The following DIRAS2 variants were observed in gnomAD, a reference collection of about 807,000 sequenced individuals.
DIRAS2 encodes the protein GTP-binding protein Di-Ras2.
Under a neutral mutation model 13.9 loss-of-function variants are expected in DIRAS2, and 5 were observed. That is an observed-to-expected ratio of 0.36 (90% CI 0.19 to 0.76). DIRAS2 has a LOEUF of 0.76. Among genes scored for constraint, DIRAS2 ranks in the 30% least tolerant of loss-of-function variants. The pLI, the probability that DIRAS2 is intolerant of heterozygous loss-of-function variation, is 0.53. For missense variants in DIRAS2, 191 were observed against 263.0 expected, an observed-to-expected ratio of 0.73 and a Z score of 1.89; for synonymous variants, 111 against 105.4, an observed-to-expected ratio of 1.05 and a Z score of -0.33.
In DIRAS2 at chr9:90,610,543, C is replaced by A; in HGVS notation, c.*2685G>T. 1 of 397,258 alleles carries A rather than the reference C, an allele frequency of 2.5e-6. No individual in the cohort carries two copies. Among genetic ancestry groups the A allele is most frequent in the South Asian group, 1.3e-4 (1 of 7,480 alleles). The allele number at this position is 397,258 out of a possible 1,614,324, so 24.6% of individuals were successfully genotyped here. On this transcript the variant is annotated 3_prime_UTR_variant, in exon 2 of 2. Transcript: ENST00000375765. ...AAATATTAACTTATTCTGCCTGGGT[C>A]AAAAACTGCTATGCCCATATGCAAT...
At chr9:90,622,060 T>C (rs1192875832) in intron 1 of DIRAS2, among the ~76,000 whole-genome samples, 1 of 152,106 alleles carries the variant, frequency 6.6e-6, no homozygotes, top group Non-Finnish European at 1.5e-5. Context: ...GAGATCAGCC[T>C]GGGAAACATA....
intron 1 of DIRAS2, among the ~76,000 whole-genome samples, chr9:90,631,837 G>A (rs917700093): frequency 1.3e-5 from 2 of 152,110 alleles, no homozygotes; most frequent in Non-Finnish European, 2.9e-5. Context: ...TAGGACATGT[G>A]CAAGTCTAAA....
Position 90,614,328 on chromosome 9 carries a change from G to C in DIRAS2, c.-36-465C>G, listed in dbSNP as rs550909347. Among the ~76,000 whole-genome samples the C allele has an allele frequency of 2.0e-5, 3 of 151,596 alleles. No homozygotes were observed. The South Asian group carries it at 6.3e-4, about 32-fold the overall frequency. ...ATAATGTGTGTGTGTGTGTGTGTGTGTGTGTGTGTGTGTGTGTGTGTGTGT... is the reference window on the plus strand; with the variant it reads ...ATAATGTGTGTGTGTGTGTGTGTGTCTGTGTGTGTGTGTGTGTGTGTGTGT... On this transcript the variant is annotated intron_variant, in intron 1 of 1. Coordinates refer to ENST00000375765, the MANE Select transcript of DIRAS2 (RefSeq NM_017594.5).
intron 1 of DIRAS2, among the ~76,000 whole-genome samples, chr9:90,616,811 T>TA (rs1825174072): frequency 6.6e-6 from 1 of 152,116 alleles, no homozygotes; most frequent in Admixed American, 6.5e-5. Flanking sequence ...CACAAGCATT[T>TA]ATAAAATGTC....
Position 90,610,268 on chromosome 9 carries a change from T to C in DIRAS2, c.*2960A>G, listed in dbSNP as rs1256546364. 5.1e-6 allele frequency: 2 copies of C among 395,232 alleles called. No homozygotes were observed. Among genetic ancestry groups the C allele is most frequent in the Non-Finnish European group, 8.9e-6 (2 of 224,756 alleles). The allele number at this position is 395,232 out of a possible 1,614,324, so 24.5% of individuals were successfully genotyped here. On this transcript the variant is annotated 3_prime_UTR_variant, in exon 2 of 2. Transcript: ENST00000375765. ...AATATTACAAACAGTGAAACAAATA[T>C]ACTAGCTTACAGATATGTACAATTT...
intron 1 of DIRAS2, among the ~76,000 whole-genome samples, chr9:90,633,746 G>A (rs138486120): frequency 1.3e-3 from 192 of 152,306 alleles, no homozygotes; most frequent in African/African-American, 4.4e-3. Flanking sequence ...GAGAACTGGC[G>A]AGTGCCCACT....
intron 1 of DIRAS2, among the ~76,000 whole-genome samples, chr9:90,620,445 C>A (rs773377656): frequency 9.2e-5 from 14 of 152,240 alleles, no homozygotes; most frequent in Non-Finnish European, 2.1e-4. Flanking sequence ...CCTAAATTAA[C>A]ATATTAATAC....
At chr9:90,641,102 A>AT (rs1043935903) in intron 1 of DIRAS2, among the ~76,000 whole-genome samples, 20 of 152,120 alleles carry the variant, frequency 1.3e-4, no homozygotes, top group East Asian at 1.2e-3. Context: ...ACAATAAATA[A>AT]TTTTTTTAAA....
intron 1 of DIRAS2, among the ~76,000 whole-genome samples, chr9:90,640,730 C>CAACA (rs1483863203): frequency 6.6e-6 from 1 of 152,168 alleles, no homozygotes; most frequent in Non-Finnish European, 1.5e-5. Context: ...AGTTGCAGAT[C>CAACA]AACACCAAAC....
chr9:90,623,571 A>G (rs1315883607), intron 1 of DIRAS2, among the ~76,000 whole-genome samples: 1 of 152,230 alleles, frequency 6.6e-6, no homozygotes, highest in African/African-American at 2.4e-5. Flanking sequence ...TATTAGGCCT[A>G]TTGGGCCTAG....
In DIRAS2 at chr9:90,610,351, T is replaced by C. The variant is rs1301270521; in HGVS notation, c.*2877A>G. 2.5e-6 allele frequency: 1 copy of C among 398,804 alleles called. No homozygotes were observed. The highest frequency in any genetic ancestry group is 2.1e-5 in the African/African-American group (1 of 48,616). The allele number at this position is 398,804 out of a possible 1,614,324, so 24.7% of individuals were successfully genotyped here. ...AATTATATATTTTATATACATGTAATTTTAGATAGAATGAACAATTCAATA... is the reference window on the plus strand; with the variant it reads ...AATTATATATTTTATATACATGTAACTTTAGATAGAATGAACAATTCAATA... On this transcript the variant is annotated 3_prime_UTR_variant, in exon 2 of 2. Transcript: ENST00000375765.
In DIRAS2 at chr9:90,613,779, C is replaced by T. The variant is rs930935634; in HGVS notation, c.49G>A (p.Gly17Ser). The change falls in exon 2 of 2, where the codon GGT becomes AGT. Residue 17 changes from glycine (G) to serine (S), a missense_variant. Physicochemically the swap from Gly to Ser is moderately conservative, Grantham distance 56. Transcript: ENST00000375765. This position sits in a 1 kb window ranked among gnomAD's most constrained non-coding sequence, Gnocchi z 5.6. ...AACACCAGGGAGCTCTTGCCAACAC[C>T]GCCAGCCCCAAACACGGCCACCCGG... ...DYRVAVFGAG[G>S]VGKSSLVLRF... The T allele has an allele frequency of 1.9e-6, 3 of 1,614,122 alleles. 1 individual carries two copies. Among genetic ancestry groups the T allele is most frequent in the Non-Finnish European group, 2.5e-6 (3 of 1,180,012 alleles).
At chr9:90,622,306 T>C (rs777772352) in intron 1 of DIRAS2, among the ~76,000 whole-genome samples, 6 of 152,102 alleles carry the variant, frequency 3.9e-5, no homozygotes, top group Non-Finnish European at 5.9e-5. Flanking sequence ...ACCCTATCAA[T>C]AAAGAACATT....
At chr9:90,626,706 C>T (rs754072341) in intron 1 of DIRAS2, among the ~76,000 whole-genome samples, 48 of 152,226 alleles carry the variant, frequency 3.2e-4, no homozygotes, top group Admixed American at 5.2e-4. Flanking sequence ...ACAAAATCTG[C>T]GGAAGAAATC....
chr9:90,612,775 C>T lies in DIRAS2; in HGVS notation c.*453G>A. On this transcript the variant is annotated 3_prime_UTR_variant, in exon 2 of 2. Coordinates refer to ENST00000375765, the MANE Select transcript of DIRAS2 (RefSeq NM_017594.5). ...CCAAGTGTGGTCCACTTTGGACCAT[C>T]TGATCTTCTCACCTCTTCCTGCCCC... 5.6e-6 allele frequency: 1 copy of T among 179,624 alleles called. No homozygotes were observed. Among genetic ancestry groups the T allele is most frequent in the Non-Finnish European group, 1.2e-5 (1 of 84,196 alleles). The allele number at this position is 179,624 out of a possible 1,614,324, so 11.1% of individuals were successfully genotyped here.
At chr9:90,625,870 C>T (rs1825263599) in intron 1 of DIRAS2, 2 of 151,994 alleles carry the variant, frequency 1.3e-5, no homozygotes, top group Admixed American at 1.3e-4. Context: ...CAAGAAAGGG[C>T]ATTACCAAGA....
intron 1 of DIRAS2, among the ~76,000 whole-genome samples, chr9:90,623,532 A>C (rs1260858257): frequency 6.6e-6 from 1 of 152,216 alleles, no homozygotes; most frequent in Non-Finnish European, 1.5e-5. Context: ...AATAATTCAA[A>C]ATGAGACCTC....
At chr9:90,641,089 C>A (rs752177200) in intron 1 of DIRAS2, among the ~76,000 whole-genome samples, 3 of 152,060 alleles carry the variant, frequency 2.0e-5, no homozygotes, top group Non-Finnish European at 4.4e-5. Context: ...ATACGAACAA[C>A]ATACAATAAA....
chr9:90,627,467 T>G (rs907377302), intron 1 of DIRAS2, among the ~76,000 whole-genome samples: 3 of 152,132 alleles, frequency 2.0e-5, no homozygotes, highest in Non-Finnish European at 4.4e-5. Flanking sequence ...AGCGGGTACA[T>G]ATAGCAGTCA....
Sources: gnomAD v4.1 joint callset for allele counts (sites outside exome capture counted in the v4.1 genomes callset) on GRCh38, gnomAD v4.1.1 for gene constraint, Gnocchi (gnomAD v3.1) non-coding constraint, MANE v1.5 for transcripts, NCBI Gene and HGNC (gene_info 2026-07-23, HGNC 2026-07-21) for gene names.